The following ADIPOR2 variants were observed in gnomAD, a reference collection of about 807,000 sequenced individuals.
ADIPOR2 encodes the protein adiponectin receptor protein 2.
Under a neutral mutation model 40.9 loss-of-function variants are expected in ADIPOR2, and 18 were observed. That is an observed-to-expected ratio of 0.44 (90% CI 0.30 to 0.65). The LOEUF is 0.65. ADIPOR2 is among the 30% of genes least tolerant of loss of function. The probability of loss-of-function intolerance (pLI) is 0.09; values close to 1 mark genes in which losing one functional copy is unlikely to be tolerated. For missense variants in ADIPOR2, 283 were observed against 479.2 expected, an observed-to-expected ratio of 0.59 and a Z score of 3.82; for synonymous variants, 165 against 166.4, an observed-to-expected ratio of 0.99 and a Z score of 0.06.
chr12:1,742,224 T>C (rs1239693312), intron 1 of ADIPOR2, among the ~76,000 whole-genome samples: 2 of 152,184 alleles, frequency 1.3e-5, no homozygotes, highest in Non-Finnish European at 2.9e-5. Context: ...TCCTGAGTAG[T>C]TGGGACTGCA....
intron 6 of ADIPOR2, among the ~76,000 whole-genome samples, 162 bp from the exon 7 acceptor site, chr12:1,783,718 C>G (rs978990359): frequency 1.3e-5 from 2 of 152,178 alleles, no homozygotes; most frequent in Non-Finnish European, 2.9e-5. Flanking sequence ...GACAGTGTCC[C>G]AGAGTTTGAA....
chr12:1,722,773 C>T (rs1316087902), intron 1 of ADIPOR2, among the ~76,000 whole-genome samples: 1 of 152,184 alleles, frequency 6.6e-6, no homozygotes, highest in African/African-American at 2.4e-5. Flanking sequence ...GCAGTCCTCT[C>T]TACAAATATT....
intron 6 of ADIPOR2, among the ~76,000 whole-genome samples, chr12:1,783,468 C>T (rs1862767251): frequency 1.4e-5 from 2 of 147,000 alleles, no homozygotes; most frequent in South Asian, 2.1e-4. Context: ...GGCGTGATCT[C>T]GGCTCACTGC....
chr12:1,760,125 AT>A lies in ADIPOR2; in HGVS notation c.171+5619del, dbSNP rs199617563. ...TAAACAAAACCCAAACCAGTGCCTA[AT>A]TTTTTTTGATATTTATTTATTTTAA... On this transcript the variant is annotated intron_variant, in intron 2 of 7. Coordinates refer to ENST00000357103, the MANE Select transcript of ADIPOR2 (RefSeq NM_024551.3). 1.4e-3 allele frequency among the ~76,000 whole-genome samples: 213 copies of A among 151,908 alleles called. 1 individual carries two copies. Among genetic ancestry groups the A allele is most frequent in the African/African-American group, 5.0e-3 (208 of 41,438 alleles).
intron 1 of ADIPOR2, among the ~76,000 whole-genome samples, chr12:1,722,112 T>C (rs377040725): frequency 3.9e-5 from 6 of 152,312 alleles, no homozygotes; most frequent in South Asian, 2.1e-4. Context: ...TTAGGAGACC[T>C]CTGGAGGCTG....
At chr12:1,767,644 G>A (rs1286506643) in intron 2 of ADIPOR2, among the ~76,000 whole-genome samples, 1 of 152,180 alleles carries the variant, frequency 6.6e-6, no homozygotes, top group Non-Finnish European at 1.5e-5. Context: ...ATCACCTGTT[G>A]ATCAAACTAA....
intron 2 of ADIPOR2, among the ~76,000 whole-genome samples, chr12:1,763,468 A>G (rs1862310864): frequency 6.6e-6 from 1 of 152,244 alleles, no homozygotes; most frequent in African/African-American, 2.4e-5. Flanking sequence ...ACTGCCTGGT[A>G]CAGAGAAAGC....
chr12:1,702,614 C>T (rs1245048593), intron 1 of ADIPOR2, among the ~76,000 whole-genome samples: 1 of 152,122 alleles, frequency 6.6e-6, no homozygotes, highest in African/African-American at 2.4e-5. Flanking sequence ...TCTTTTCCTT[C>T]CACAGCCATT....
At position 1,754,427 on chromosome 12, in the gene ADIPOR2, T is replaced by C; in HGVS notation, c.84T>C (p.Asp28=). The change falls in exon 2 of 8, where the codon GAT becomes GAC. Residue 28 remains aspartate, a synonymous_variant. Transcript: ENST00000357103. ...GGCTCAGAAAAGGGCACCAACTGGA[T>C]GGTACACGAAGAGGTGATAATGACA... ...DIRLRKGHQL[D]GTRRGDNDSH... is the part of the protein sequence containing the mutation. 1.2e-6 allele frequency: 2 copies of C among 1,613,582 alleles called. No individual in the cohort carries two copies. Among genetic ancestry groups the C allele is most frequent in the Non-Finnish European group, 1.7e-6 (2 of 1,179,754 alleles).
chr12:1,757,702 GT>G, intron 2 of ADIPOR2: 1 of 1,312,844 alleles, frequency 7.6e-7, no homozygotes, highest in Non-Finnish European at 1.1e-6. Context: ...GCGACCCTTG[GT>G]GTCATAGATG....
chr12:1,767,773 A>C (rs141981117), intron 2 of ADIPOR2, among the ~76,000 whole-genome samples: 32 of 152,312 alleles, frequency 2.1e-4, no homozygotes, highest in Non-Finnish European at 3.2e-4. Context: ...GGTTTCAAGT[A>C]GTTTAAGGAG....
intron 1 of ADIPOR2, among the ~76,000 whole-genome samples, chr12:1,711,374 T>G (rs1044191335): frequency 1.3e-5 from 2 of 152,102 alleles, no homozygotes; most frequent in African/African-American, 4.8e-5. Flanking sequence ...GCTGATGGAC[T>G]TGAGCTTTGA....
intron 1 of ADIPOR2, among the ~76,000 whole-genome samples, chr12:1,746,289 G>A (rs1003048540): frequency 6.6e-6 from 1 of 152,118 alleles, no homozygotes; most frequent in Non-Finnish European, 1.5e-5. Flanking sequence ...AGAGGCTGAG[G>A]TGTGTGGATC....
intron 2 of ADIPOR2, among the ~76,000 whole-genome samples, chr12:1,762,669 C>G (rs1240182409): frequency 1.3e-5 from 2 of 152,152 alleles, no homozygotes; most frequent in Admixed American, 6.5e-5. Context: ...TTTTATTGAT[C>G]TTTTACAATG....
rs1056468116 is a variant in ADIPOR2 at position 1,757,683 on chromosome 12, T to C, written c.171+3169T>C. Reference sequence around the variant, plus strand: ...TGGCCTCCTCAGGTGTAATAGGATGTACAGCAAAGCGACCCTTGGTGTCAT... The same window carrying C: ...TGGCCTCCTCAGGTGTAATAGGATGCACAGCAAAGCGACCCTTGGTGTCAT... On this transcript the variant is annotated intron_variant, in intron 2 of 7. Transcript: ENST00000357103. 5 of 1,315,710 alleles carry C rather than the reference T, an allele frequency of 3.8e-6. No individual in the cohort carries two copies. In the Admixed American group the frequency reaches 5.1e-5, roughly 13 times the overall value. 81.5% of individuals were successfully genotyped at this position (1,315,710 alleles called of 1,614,324 possible). A position where few individuals can be genotyped will look rare whatever the true frequency, so the allele number is the denominator to read the frequency against.
At chr12:1,771,139 A>G (rs1285231838) in intron 2 of ADIPOR2, among the ~76,000 whole-genome samples, 1 of 151,824 alleles carries the variant, frequency 6.6e-6, no homozygotes, top group Non-Finnish European at 1.5e-5. Context: ...CCTGAGCAAC[A>G]CAGACCTCGT....
intron 2 of ADIPOR2, among the ~76,000 whole-genome samples, chr12:1,767,294 A>T (rs1862403345): frequency 7.0e-6 from 1 of 142,876 alleles, no homozygotes; most frequent in Admixed American, 7.2e-5. Flanking sequence ...AAAAAAAAAA[A>T]GATAGAATTG....
At chr12:1,767,759 G>A (rs1862415334) in intron 2 of ADIPOR2, among the ~76,000 whole-genome samples, 1 of 152,182 alleles carries the variant, frequency 6.6e-6, no homozygotes, top group African/African-American at 2.4e-5. Context: ...GGGTTTTGGG[G>A]TCTGGTTTCA....
chr12:1,725,256 G>A (rs553618701), intron 1 of ADIPOR2, among the ~76,000 whole-genome samples: 1 of 151,868 alleles, frequency 6.6e-6, no homozygotes, highest in Admixed American at 6.6e-5. Flanking sequence ...CGAGTAGTTG[G>A]GATTATAGGC....
Sources: gnomAD v4.1 joint callset for allele counts (sites outside exome capture counted in the v4.1 genomes callset) on GRCh38, gnomAD v4.1.1 for gene constraint, MANE v1.5 for transcripts, NCBI Gene and HGNC (gene_info 2026-07-23, HGNC 2026-07-21) for gene names.